The following NACA variants were observed in gnomAD, a reference collection of about 807,000 sequenced individuals.
NACA encodes nascent polypeptide-associated complex subunit alpha.
A neutral mutation model predicts 86.4 loss-of-function variants in NACA; 42 were observed. The observed-to-expected ratio is 0.49, with a 90% CI of 0.38 to 0.63. The LOEUF (loss-of-function observed/expected upper bound fraction) is 0.63, where lower values mean the gene tolerates loss of function less well. Among genes scored for constraint, NACA ranks in the 20% least tolerant of loss-of-function variants. NACA has a pLI of 0.00. For synonymous variants in NACA, 898 were observed against 973.7 expected, an observed-to-expected ratio of 0.92 and a Z score of 1.45; for missense variants, 2,157 against 2,483.6, an observed-to-expected ratio of 0.87 and a Z score of 2.80.
chr12:56,721,414 C>T lies in NACA; in HGVS notation c.116G>A (p.Gly39Glu), dbSNP rs942035298. The T allele has an allele frequency of 6.5e-7, 1 of 1,542,584 alleles. No individual in the cohort carries two copies. The highest frequency in any genetic ancestry group is 8.7e-7 in the Non-Finnish European group (1 of 1,151,476). Reference sequence around the variant, plus strand: ...AGGGGGGAGGGTAGGTCCAGGCTGCCCTAAGGCAGCAGTGACACTCAAGGC... The same window carrying T: ...AGGGGGGAGGGTAGGTCCAGGCTGCTCTAAGGCAGCAGTGACACTCAAGGC... ...SSALSVTAAL[G>E]QPGPTLPPPC... is the part of the protein sequence containing the mutation. Residue 39 changes from glycine to glutamate, a missense_variant, in exon 3 of 9, where the codon GGG becomes GAG. Coordinates refer to ENST00000454682, the MANE Select transcript of NACA (RefSeq NM_001365896.1).
In NACA at chr12:56,714,386, A is replaced by G. The variant is rs1410817270; in HGVS notation, c.5799T>C (p.Ser1933=). The G allele has an allele frequency of 4.3e-6, 7 of 1,613,962 alleles. No homozygotes were observed. The highest frequency in any genetic ancestry group is 5.9e-6 in the Non-Finnish European group (7 of 1,179,994). Residue 1933 remains serine, a synonymous_variant, in exon 5 of 9, where the codon AGT becomes AGC. Transcript: ENST00000454682. ...CCTTCCGTGCCTTCTTTTCACTCCGACTCTGTTTTGCTTTACTGACTGGTT... is the reference window on the plus strand; with the variant it reads ...CCTTCCGTGCCTTCTTTTCACTCCGGCTCTGTTTTGCTTTACTGACTGGTT... ...DEEPVSKAKQ[S]RSEKKARKAM... is the part of the protein sequence containing the mutation.
At chr12:56,722,711 A>T (rs1953606464) in intron 2 of NACA, among the ~76,000 whole-genome samples, 2 of 152,182 alleles carry the variant, frequency 1.3e-5, no homozygotes, top group South Asian at 4.1e-4. Context: ...CAAACCAAAG[A>T]AGACAATTGG....
rs764790765 is a variant in NACA at position 56,715,960 on chromosome 12, G to C, written c.5570C>G (p.Ser1857Trp). ...AGGGGTGGGCATGTTGACGAGGACC[G>C]ACTGGAAAGGCACTCCCCCAGAGAT... is the stretch of plus-strand genomic sequence containing the variant. ...EPISGGVPFQ[S>W]VLVNMPTPKS... Residue 1857 changes from serine (S) to tryptophan (W), a missense_variant, in exon 3 of 9, where the codon TCG (serine) becomes TGG (tryptophan). Transcript: ENST00000454682. 5 of 1,549,206 alleles carry C rather than the reference G, an allele frequency of 3.2e-6. No individual in the cohort carries two copies. In the East Asian group the frequency reaches 1.1e-4, roughly 35 times the overall value.
rs760430478 is a variant in NACA, at chr12:56,712,563, G to C, written c.6223-11C>G. Reference sequence around the variant, plus strand: ...TTACATTGTTAATTCCTGTAACAGAGAAAAGATAATTAGCGGTTCTTATAG... The same window carrying C: ...TTACATTGTTAATTCCTGTAACAGACAAAAGATAATTAGCGGTTCTTATAG... On this transcript the variant is annotated splice_polypyrimidine_tract_variant and intron_variant, in intron 8 of 8. Coordinates refer to ENST00000454682, the MANE Select transcript of NACA (RefSeq NM_001365896.1). 1.9e-6 allele frequency: 3 copies of C among 1,613,502 alleles called. No individual in the cohort carries two copies. Among genetic ancestry groups the C allele is most frequent in the Non-Finnish European group, 2.5e-6 (3 of 1,179,708 alleles).
Position 56,719,492 on chromosome 12 carries a change from T to C in NACA, c.2038A>G (p.Thr680Ala). 3.1e-6 allele frequency: 5 copies of C among 1,613,952 alleles called. No individual in the cohort carries two copies. The highest frequency in any genetic ancestry group is 4.2e-6 in the Non-Finnish European group (5 of 1,179,860). The change falls in exon 3 of 9, where the codon ACT becomes GCT. Residue 680 changes from threonine (T) to alanine (A), a missense_variant. By Grantham distance (58) the Thr-to-Ala change is moderately conservative. Transcript: ENST00000454682. The part of the protein sequence containing the change: ...TTTASPFLEG[T>A]VSLAPKNHPV... ...TGGTTTTTAGGAGCTAAAGAGACAG[T>C]TCCTTCTAGAAAAGGGCTGGCTGTA...
Position 56,717,091 on chromosome 12 carries a change from G to A in NACA, c.4439C>T (p.Ala1480Val), listed in dbSNP as rs1953394182. Residue 1480 changes from alanine to valine, a missense_variant, in exon 3 of 9, where the codon GCC becomes GTC. Coordinates refer to ENST00000454682, the MANE Select transcript of NACA (RefSeq NM_001365896.1). Reference sequence around the variant, plus strand: ...GGAAGAAGTGGCAACTTGTTTGGGGGCTGGGGGCTCCTTGGGGGAAGGAGG... The same window carrying A: ...GGAAGAAGTGGCAACTTGTTTGGGGACTGGGGGCTCCTTGGGGGAAGGAGG... The part of the protein sequence containing the change: ...VTPPSPKEPP[A>V]PKQVATSSSP... The A allele has an allele frequency of 3.1e-6, 4 of 1,272,742 alleles. No homozygotes were observed. In the African/African-American group the frequency reaches 4.8e-5, roughly 15 times the overall value. 78.8% of individuals were successfully genotyped at this position (1,272,742 alleles called of 1,614,324 possible). A position where few individuals can be genotyped will look rare whatever the true frequency, so the allele number is the denominator to read the frequency against.
chr12:56,713,499 C>A, intron 6 of NACA, 38 bp downstream of exon 6: 1 of 1,607,596 alleles, frequency 6.2e-7, no homozygotes, highest in Non-Finnish European at 8.5e-7. Flanking sequence ...GGTTGAGAAA[C>A]CCTGGTCTGG....
In NACA at chr12:56,714,384, C is replaced by T. The variant is rs764594157; in HGVS notation, c.5801G>A (p.Arg1934Gln). 3 of 1,614,148 alleles carry T rather than the reference C, an allele frequency of 1.9e-6. No individual in the cohort carries two copies. The highest frequency in any genetic ancestry group is 2.5e-6 in the Non-Finnish European group (3 of 1,180,022). The change falls in exon 5 of 9, where the codon CGG becomes CAG. Residue 1934 changes from arginine (R) to glutamine (Q), a missense_variant. Arg to Gln is a conservative substitution (Grantham distance 43). Around this residue, in one of 8 missense-constraint regions of NACA, gnomAD observed 81 missense variants for 200.6 expected, o/e 0.40. Coordinates refer to ENST00000454682, the MANE Select transcript of NACA (RefSeq NM_001365896.1). The part of the protein sequence containing the change: ...EEPVSKAKQS[R>Q]SEKKARKAMS... ...TACCTTCCGTGCCTTCTTTTCACTC[C>T]GACTCTGTTTTGCTTTACTGACTGG...
chr12:56,720,565 A>C lies in NACA; in HGVS notation c.965T>G (p.Leu322Arg), dbSNP rs1248865259. Residue 322 changes from leucine to arginine, a missense_variant, in exon 3 of 9, where the codon CTT (leucine) becomes CGT (arginine). Physicochemically the swap from Leu to Arg is moderately radical, Grantham distance 102. This residue lies in a region of NACA where 947 missense variants were observed against 917.9 expected (regional missense o/e 1.03). Transcript: ENST00000454682. ...AGCACTAGGACCTGTTTGACCTAAA[A>C]GTTGGACAGAACCAAAAGAACTCTG... ...LHQSSFGSVQ[L>R]LGQTGPSALS... 6.2e-7 allele frequency: 1 copy of C among 1,614,024 alleles called. No homozygotes were observed. The highest frequency in any genetic ancestry group is 1.1e-5 in the South Asian group (1 of 91,092).
rs760725081 is a variant in NACA at position 56,719,360 on chromosome 12, A to G, written c.2170T>C (p.Leu724=). The G allele has an allele frequency of 1.2e-5, 19 of 1,609,642 alleles. No individual in the cohort carries two copies. The highest frequency in any genetic ancestry group is 1.7e-5 in the Admixed American group (1 of 59,662). ...PQNTCAPLAT[L]VLAPEIPKSV... is the part of the protein sequence containing the mutation. ...TTTGGGATTTCAGGGGCCAGCACTAAGGTAGCCAGAGGAGCACAGGTATTC... is the reference window on the plus strand; with the variant it reads ...TTTGGGATTTCAGGGGCCAGCACTAGGGTAGCCAGAGGAGCACAGGTATTC... The change falls in exon 3 of 9, where the codon TTA becomes CTA. Residue 724 remains leucine (L), a synonymous_variant. Transcript: ENST00000454682.
chr12:56,721,547 C>T (rs1953577522), intron 2 of NACA, 88 bp from the exon 3 acceptor site: 7 of 787,244 alleles, frequency 8.9e-6, no homozygotes, highest in Non-Finnish European at 5.8e-6. Flanking sequence ...CAACATGCCT[C>T]CTAGGAAACA....
rs779655054 is a variant in NACA, at chr12:56,715,882, T to G, written c.5648A>C (p.Lys1883Thr). Residue 1883 changes from lysine to threonine, a missense_variant, in exon 3 of 9, where the codon AAG becomes ACG. Physicochemically the swap from Lys to Thr is moderately conservative, Grantham distance 78. This residue lies in a region of NACA where 797 missense variants were observed against 777.6 expected (regional missense o/e 1.02). Coordinates refer to ENST00000454682, the MANE Select transcript of NACA (RefSeq NM_001365896.1). ...ACCAAGGCAAATACCCTTGTTGTTC[T>G]TCGTAACAGGTTGCTTGGCAGAGGG... ...PTPSAKQPVT[K>T]NNKGSGTESD... The G allele has an allele frequency of 1.3e-5, 20 of 1,515,872 alleles. No homozygotes were observed. Among genetic ancestry groups the G allele is most frequent in the Non-Finnish European group, 1.6e-5 (18 of 1,132,774 alleles). The allele number at this position is 1,515,872 out of a possible 1,614,324, so 93.9% of individuals were successfully genotyped here.
At chr12:56,722,976 T>C (rs1011614870) in intron 2 of NACA, among the ~76,000 whole-genome samples, 4 of 152,188 alleles carry the variant, frequency 2.6e-5, no homozygotes, top group African/African-American at 4.8e-5. Context: ...CATCCTACCA[T>C]GGAAAAGACA....
At position 56,716,306 on chromosome 12, in the gene NACA, G is replaced by C. The variant is rs747699874; in HGVS notation, c.5224C>G (p.Gln1742Glu). The C allele has an allele frequency of 1.7e-5, 28 of 1,612,964 alleles. No homozygotes were observed. Among genetic ancestry groups the C allele is most frequent in the East Asian group, 4.5e-5 (2 of 44,894 alleles). Residue 1742 changes from glutamine to glutamate, a missense_variant, in exon 3 of 9, where the codon CAG becomes GAG. Around this residue, in one of 8 missense-constraint regions of NACA, gnomAD observed 797 missense variants for 777.6 expected, o/e 1.02. Transcript: ENST00000454682. ...TTTGCTGTCTTTGAAGAGTCTTTCT[G>C]AACAGGGAGTAGAGGGGCTGGAGCC... ...TVAPAPLLPVQKDSSKTAKGK... is the reference protein window; with the variant it reads ...TVAPAPLLPVEKDSSKTAKGK...
rs1442801741 is a variant in NACA at position 56,718,984 on chromosome 12, G to A, written c.2546C>T (p.Ser849Leu). ...AGTGGGAGAATGCGTCGTGGCTGGT[G>A]AGTCTTTAGAGCCTTGGAAAGAAAG... ...NSLSFQGSKD[S>L]PATTHSPTPP... The change falls in exon 3 of 9, where the codon TCA (serine) becomes TTA (leucine). Residue 849 changes from serine (S) to leucine (L), a missense_variant. Ser to Leu is a moderately radical substitution (Grantham distance 145). This residue lies in a region of NACA where 174 missense variants were observed against 217.0 expected (regional missense o/e 0.80). Transcript: ENST00000454682. The A allele has an allele frequency of 2.8e-6, 4 of 1,447,602 alleles. No individual in the cohort carries two copies. The South Asian group carries it at 4.5e-5, about 16-fold the overall frequency. 89.7% of individuals were successfully genotyped at this position (1,447,602 alleles called of 1,614,324 possible). A position where few individuals can be genotyped will look rare whatever the true frequency, so the allele number is the denominator to read the frequency against.
rs1208205509 is a variant in NACA at position 56,720,062 on chromosome 12, G to C, written c.1468C>G (p.Pro490Ala). Residue 490 changes from proline to alanine, a missense_variant, in exon 3 of 9, where the codon CCC becomes GCC. By Grantham distance (27) the Pro-to-Ala change is conservative. Coordinates refer to ENST00000454682, the MANE Select transcript of NACA (RefSeq NM_001365896.1). ...GCTACTTGAGTAGAAGGCTCTTTGG[G>C]AGCCACAGGTGCCATAACCAAGGCA... ...PAALVMAPVAPKEPSTQVATT... is the reference protein window; with the variant it reads ...PAALVMAPVAAKEPSTQVATT... 1.2e-6 allele frequency: 2 copies of C among 1,613,770 alleles called. No individual in the cohort carries two copies. Among genetic ancestry groups the C allele is most frequent in the Non-Finnish European group, 1.7e-6 (2 of 1,179,874 alleles).
chr12:56,719,152 G>C lies in NACA; in HGVS notation c.2378C>G (p.Ser793Cys). 2 of 1,462,748 alleles carry C rather than the reference G, an allele frequency of 1.4e-6. No individual in the cohort carries two copies. The highest frequency in any genetic ancestry group is 2.9e-5 in the East Asian group (1 of 33,900). 90.6% of individuals were successfully genotyped at this position (1,462,748 alleles called of 1,614,324 possible). A position where few individuals can be genotyped will look rare whatever the true frequency, so the allele number is the denominator to read the frequency against. The change falls in exon 3 of 9, where the codon TCC becomes TGC. Residue 793 changes from serine (S) to cysteine (C), a missense_variant. Ser to Cys is a moderately radical substitution (Grantham distance 112). Coordinates refer to ENST00000454682, the MANE Select transcript of NACA (RefSeq NM_001365896.1). ...SKGTLTYLADSPSPLGVSVSP... is the reference protein window; with the variant it reads ...SKGTLTYLADCPSPLGVSVSP... ...CACACTAACCCCTAAAGGAGATGGG[G>C]AATCAGCTAGGTAAGTCAGAGTTCC...
rs761964739 is a variant in NACA, at chr12:56,719,374, G to A, written c.2156C>T (p.Ala719Val). The change falls in exon 3 of 9, where the codon GCT (alanine) becomes GTT (valine). Residue 719 changes from alanine to valine, a missense_variant. Transcript: ENST00000454682. ...GGCCAGCACTAAGGTAGCCAGAGGA[G>A]CACAGGTATTCTGGGGGGATGGAGC... ...PVAPSPQNTC[A>V]PLATLVLAPE... 1 of 1,610,674 alleles carries A rather than the reference G, an allele frequency of 6.2e-7. No individual in the cohort carries two copies. The highest frequency in any genetic ancestry group is 1.1e-5 in the South Asian group (1 of 90,122).
intron 6 of NACA, 32 bp downstream of exon 6, chr12:56,713,505 T>C: frequency 6.2e-7 from 1 of 1,610,860 alleles, no homozygotes; most frequent in Non-Finnish European, 8.5e-7. Context: ...GAAACCCTGG[T>C]CTGGAACAAT....
Sources: allele counts gnomAD v4.1 joint callset (sites outside exome capture counted in the v4.1 genomes callset), GRCh38; gene constraint gnomAD v4.1.1; regional missense constraint gnomAD v4.1.1; transcripts MANE v1.5; gene names NCBI Gene and HGNC (gene_info 2026-07-23, HGNC 2026-07-21).